The following PLB1 variants were observed in gnomAD, a reference collection of about 807,000 sequenced individuals.
PLB1 encodes phospholipase B1, membrane-associated.
Under a neutral mutation model 227.4 loss-of-function variants are expected in PLB1, and 242 were observed. The ratio of observed to expected loss-of-function variants is 1.06; its 90% confidence interval spans 0.96 to 1.18. The LOEUF is 1.18. PLB1 is among the 50% of genes most tolerant of loss of function. The pLI is 0.00. For missense variants in PLB1, 1,858 were observed against 1,816.3 expected (o/e 1.02, Z -0.42); for synonymous variants, 757 against 682.2 (o/e 1.11, Z -1.71).
chr2:28,605,188 C>A (rs1040579377), intron 41 of PLB1, among the ~76,000 whole-genome samples: 1 of 152,182 alleles, frequency 6.6e-6, no homozygotes, highest in Non-Finnish European at 1.5e-5. Context: ...TGCAACGCTG[C>A]GGTTATAAGG....
intron 16 of PLB1, 48 bp downstream of exon 16, chr2:28,550,132 G>T: frequency 7.0e-7 from 1 of 1,435,638 alleles, no homozygotes; most frequent in Non-Finnish European, 9.7e-7. Flanking sequence ...TGAACCAGGG[G>T]CTGTACTTCT....
At chr2:28,522,509 G>C (rs561713804) in intron 4 of PLB1, among the ~76,000 whole-genome samples, 26 of 152,266 alleles carry the variant, frequency 1.7e-4, no homozygotes, top group Non-Finnish European at 3.1e-4. Flanking sequence ...CTGTGTGTCT[G>C]TGCACACCGA....
rs70956023 is a variant in PLB1, at chr2:28,574,384, C to CTTTTTTTT, written c.1433+1088_1433+1095dup. 5.4e-5 allele frequency among the ~76,000 whole-genome samples: 4 copies of CTTTTTTTT among 73,986 alleles called. 1 individual carries two copies. Among genetic ancestry groups the CTTTTTTTT allele is most frequent in the Admixed American group, 2.0e-4 (1 of 4,946 alleles). 48.5% of individuals were successfully genotyped at this position (73,986 alleles called of 152,430 possible). ...AGTCCCCAAAGTCCATTATATCATT[C>CTTTTTTTT]TTTTTTTTTTTTTTTTGAGACAGGG... is the stretch of plus-strand genomic sequence containing the variant. On this transcript the variant is annotated intron_variant, in intron 21 of 57. Transcript: ENST00000327757.
intron 17 of PLB1, among the ~76,000 whole-genome samples, chr2:28,554,489 C>CTTTTTTTTTTTTTTTTTT (rs536476788): frequency 9.4e-5 from 8 of 85,466 alleles, no homozygotes; most frequent in South Asian, 3.6e-4. Flanking sequence ...CCACACCTGC[C>CTTTTTTTTTTTTTTTTTT]TTTTTTTTTT....
At chr2:28,540,292 G>A in intron 11 of PLB1, 74 bp from the exon 12 acceptor site, 1 of 1,243,426 alleles carries the variant, frequency 8.0e-7, no homozygotes, top group South Asian at 1.2e-5. Context: ...TTCCATAAGA[G>A]GCGGGCTGGA....
At chr2:28,524,914 C>A (rs1313655077) in intron 4 of PLB1, among the ~76,000 whole-genome samples, 1 of 142,580 alleles carries the variant, frequency 7.0e-6, no homozygotes, top group Non-Finnish European at 1.5e-5. Context: ...GTGGCACCAT[C>A]TTGGCTTGCT....
chr2:28,525,747 C>T (rs1297456772), intron 5 of PLB1, among the ~76,000 whole-genome samples, 158 bp from the exon 6 acceptor site: 1 of 152,092 alleles, frequency 6.6e-6, no homozygotes, highest in Non-Finnish European at 1.5e-5. Context: ...TACTCCATGG[C>T]CACTTGAGGT....
At chr2:28,606,268 G>T (rs1293764543) in intron 42 of PLB1, among the ~76,000 whole-genome samples, 1 of 152,178 alleles carries the variant, frequency 6.6e-6, no homozygotes, top group Non-Finnish European at 1.5e-5. Flanking sequence ...TTAAGGCTCT[G>T]CATATCCCTG....
chr2:28,617,452 A>G (rs559663962), intron 44 of PLB1, among the ~76,000 whole-genome samples: 4 of 152,334 alleles, frequency 2.6e-5, no homozygotes, highest in African/African-American at 9.6e-5. Flanking sequence ...CATTCAAAGC[A>G]TAGATATATG....
chr2:28,589,852 C>A lies in PLB1; in HGVS notation c.2016+82C>A. ...AAGCCTTTGGAGGACCTCGGAGGCC[C>A]ATCGTGCAGGCCATGTGATTCTATG... On this transcript the variant is annotated intron_variant, in intron 28 of 57. Transcript: ENST00000327757. The A allele has an allele frequency of 5.6e-6, 8 of 1,429,890 alleles. No individual in the cohort carries two copies. The South Asian group carries it at 9.2e-5, about 16-fold the overall frequency. 88.6% of individuals were successfully genotyped at this position (1,429,890 alleles called of 1,614,324 possible).
chr2:28,604,085 C>A, intron 40 of PLB1, 38 bp downstream of exon 40: 1 of 1,541,982 alleles, frequency 6.5e-7, no homozygotes, highest in East Asian at 2.2e-5. Flanking sequence ...GTCCTCTCCC[C>A]TACGTTCACT....
chr2:28,605,466 C>T (rs1286776870), intron 41 of PLB1, among the ~76,000 whole-genome samples: 1 of 152,140 alleles, frequency 6.6e-6, no homozygotes, highest in African/African-American at 2.4e-5. Context: ...ACCAAGACTA[C>T]CAGGACCAGC....
In PLB1 at chr2:28,601,250, A is replaced by G. The variant is rs768037198; in HGVS notation, c.2527-2A>G. 4 of 1,608,506 alleles carry G rather than the reference A, an allele frequency of 2.5e-6. No homozygotes were observed. The highest frequency in any genetic ancestry group is 2.2e-5 in the East Asian group (1 of 44,864). On this transcript the variant is annotated splice_acceptor_variant, in intron 36 of 57. Coordinates refer to ENST00000327757, the MANE Select transcript of PLB1 (RefSeq NM_153021.5). LOFTEE classifies it high-confidence loss of function. ...ATCAAGCATTTTCCTCCCTCCATAT[A>G]GAGAGTAAATTTCCATGAAGACTGG...
chr2:28,528,816 G>A (rs113094726), intron 6 of PLB1, among the ~76,000 whole-genome samples: 5 of 152,142 alleles, frequency 3.3e-5, no homozygotes, highest in Non-Finnish European at 5.9e-5. Context: ...CTGCTCCAGA[G>A]GTACAGATAG....
At chr2:28,561,318 TC>T (rs201526832) in intron 17 of PLB1, among the ~76,000 whole-genome samples, 1 of 24,586 alleles carries the variant, frequency 4.1e-5, no homozygotes, top group Admixed American at 2.6e-4. Context: ...ATGCTCAAAC[TC>T]AAAAGATAAA....
chr2:28,587,623 C>A (rs1681128815), intron 26 of PLB1, among the ~76,000 whole-genome samples: 2 of 150,350 alleles, frequency 1.3e-5, no homozygotes, highest in Non-Finnish European at 3.0e-5. Flanking sequence ...AAAAAAAAAT[C>A]AAAATCAGGC....
At chr2:28,496,785 T>C (rs1666503420) in intron 1 of PLB1, among the ~76,000 whole-genome samples, 2 of 152,176 alleles carry the variant, frequency 1.3e-5, no homozygotes, top group Non-Finnish European at 2.9e-5. Flanking sequence ...CTGCCCCTCT[T>C]CTTCCCATCA....
intron 49 of PLB1, among the ~76,000 whole-genome samples, chr2:28,624,846 C>T (rs905410357): frequency 6.6e-6 from 1 of 152,130 alleles, no homozygotes; most frequent in East Asian, 1.9e-4. Flanking sequence ...GCCGATGAGA[C>T]TATTGGGTGG....
At chr2:28,589,642 A>G (rs1681529304) in intron 27 of PLB1, 33 bp from the exon 28 acceptor site, 2 of 1,610,092 alleles carry the variant, frequency 1.2e-6, no homozygotes, top group South Asian at 1.1e-5. Flanking sequence ...CAGTGTGTCT[A>G]TAACTGCCTC....
Sources: gnomAD v4.1 joint callset for allele counts (sites outside exome capture counted in the v4.1 genomes callset) on GRCh38, gnomAD v4.1.1 for gene constraint, MANE v1.5 for transcripts, NCBI Gene and HGNC (gene_info 2026-07-23, HGNC 2026-07-21) for gene names.